SLC25A26: variants seen among roughly 807,000 people sequenced by gnomAD.
The protein encoded by SLC25A26 is solute carrier family 25 member 26.
In SLC25A26, 36 loss-of-function variants were observed where a neutral mutation model predicts 37.8. The observed-to-expected ratio is 0.95, with a 90% CI of 0.73 to 1.26. The LOEUF is 1.26. Among genes scored for constraint, SLC25A26 ranks in the 50% most tolerant of loss-of-function variants. The pLI is 0.00. For synonymous variants in SLC25A26, 129 were observed against 122.5 expected (o/e 1.05, Z -0.35); for missense variants, 390 against 331.1 (o/e 1.18, Z -1.38).
intron 1 of SLC25A26, among the ~76,000 whole-genome samples, chr3:66,195,749 A>C (rs1391823317): frequency 6.6e-6 from 1 of 152,270 alleles, no homozygotes; most frequent in Admixed American, 6.5e-5. Context: ...AAGGAGTCTC[A>C]AAAGAATGGT....
chr3:66,320,590 G>A (rs1008121530), intron 5 of SLC25A26, among the ~76,000 whole-genome samples: 52 of 152,128 alleles, frequency 3.4e-4, no homozygotes, highest in East Asian at 2.3e-3. Context: ...TAATTCTTTT[G>A]GGTGTATACC....
chr3:66,314,479 G>T (rs1411434482), intron 5 of SLC25A26, among the ~76,000 whole-genome samples: 2 of 152,124 alleles, frequency 1.3e-5, no homozygotes, highest in African/African-American at 4.8e-5. Context: ...CTTGATCACG[G>T]TGGATAAGGT....
At chr3:66,154,696 T>C (rs1488156013) in intron 1 of SLC25A26, among the ~76,000 whole-genome samples, 1 of 152,098 alleles carries the variant, frequency 6.6e-6, no homozygotes, top group Non-Finnish European at 1.5e-5. Flanking sequence ...TTGCCCAGGC[T>C]CATCTCAAAC....
intron 1 of SLC25A26, among the ~76,000 whole-genome samples, chr3:66,200,172 A>G (rs2071090990): frequency 6.6e-6 from 1 of 152,184 alleles, no homozygotes; most frequent in South Asian, 2.1e-4. Context: ...AATTATCCCT[A>G]TGGCAGTCGA....
intron 5 of SLC25A26, among the ~76,000 whole-genome samples, chr3:66,264,167 G>T (rs1197234517): frequency 6.6e-6 from 1 of 151,920 alleles, no homozygotes; most frequent in Non-Finnish European, 1.5e-5. Flanking sequence ...AGTTACTCGG[G>T]AGGCTGAGGC....
chr3:66,257,356 A>T (rs1343404408), intron 3 of SLC25A26, among the ~76,000 whole-genome samples: 2 of 152,140 alleles, frequency 1.3e-5, no homozygotes, highest in Non-Finnish European at 2.9e-5. Context: ...TTTAAAATGA[A>T]TTAAAAAAAA....
intron 3 of SLC25A26, among the ~76,000 whole-genome samples, chr3:66,246,396 A>C: frequency 6.6e-6 from 1 of 152,230 alleles, no homozygotes; most frequent in Non-Finnish European, 1.5e-5. Context: ...TATAATAGGT[A>C]GGGCATATAG....
intron 1 of SLC25A26, among the ~76,000 whole-genome samples, chr3:66,174,183 T>C (rs1219424945): frequency 6.6e-6 from 1 of 152,224 alleles, no homozygotes; most frequent in Non-Finnish European, 1.5e-5. Flanking sequence ...ACTTATTTAA[T>C]TCTTCTATGA....
chr3:66,318,837 A>C (rs571974870), intron 5 of SLC25A26, among the ~76,000 whole-genome samples: 130 of 151,826 alleles, frequency 8.6e-4, no homozygotes, highest in Non-Finnish European at 1.6e-3. Context: ...TATTATAGAG[A>C]TGGTATCTCT....
chr3:66,147,623 C>A (rs932521382), intron 1 of SLC25A26, among the ~76,000 whole-genome samples: 3 of 152,110 alleles, frequency 2.0e-5, no homozygotes, highest in Non-Finnish European at 4.4e-5. Flanking sequence ...ATTGCTGGAT[C>A]GAATGATAGA....
intron 1 of SLC25A26, among the ~76,000 whole-genome samples, chr3:66,215,277 C>G (rs1408932770): frequency 6.6e-6 from 1 of 152,158 alleles, no homozygotes; most frequent in African/African-American, 2.4e-5. Flanking sequence ...ATACGGTTCA[C>G]TACAGCCTTG....
intron 6 of SLC25A26, among the ~76,000 whole-genome samples, chr3:66,357,131 T>C (rs950530035): frequency 1.3e-5 from 2 of 152,218 alleles, no homozygotes; most frequent in Non-Finnish European, 2.9e-5. Context: ...TAACCATAGA[T>C]TCATGTGAAA....
intron 9 of SLC25A26, among the ~76,000 whole-genome samples, chr3:66,376,739 C>T (rs1700670685): frequency 1.3e-5 from 2 of 152,162 alleles, no homozygotes; most frequent in Non-Finnish European, 2.9e-5. Context: ...ATCTCTGAGT[C>T]ATGCCTGTAC....
At chr3:66,207,494 C>G (rs2071196702) in intron 1 of SLC25A26, among the ~76,000 whole-genome samples, 1 of 152,142 alleles carries the variant, frequency 6.6e-6, no homozygotes, top group South Asian at 2.1e-4. Flanking sequence ...AAAGGCAAGT[C>G]TTTGTTCAGC....
chr3:66,276,045 T>G (rs1206551101), intron 5 of SLC25A26, among the ~76,000 whole-genome samples: 1 of 152,094 alleles, frequency 6.6e-6, no homozygotes, highest in Admixed American at 6.6e-5. Flanking sequence ...AGATGTGTAA[T>G]TAAAAAATAG....
chr3:66,301,510 T>C (rs1576829970), intron 5 of SLC25A26, among the ~76,000 whole-genome samples: 1 of 152,336 alleles, frequency 6.6e-6, no homozygotes, highest in East Asian at 1.9e-4. Flanking sequence ...TATTTTTATG[T>C]AAGCAGAAGC....
intron 1 of SLC25A26, among the ~76,000 whole-genome samples, chr3:66,176,497 T>C (rs2070588574): frequency 6.6e-6 from 1 of 152,124 alleles, no homozygotes; most frequent in Admixed American, 6.5e-5. Context: ...CAAAAATACA[T>C]TTGAACCTTA....
rs186758834 is a variant in SLC25A26 at position 66,236,900 on chromosome 3, G to T, written c.190+200G>T. Among the ~76,000 whole-genome samples the T allele has an allele frequency of 2.3e-3, 356 of 152,296 alleles. 2 individuals carry two copies. Among genetic ancestry groups the T allele is most frequent in the Non-Finnish European group, 4.1e-3 (278 of 68,030 alleles). ...CGCCCAGGTGGGAATGCAGTGGTGA[G>T]ATAATAGCTAACTGCAACCTTGACC... On this transcript the variant is annotated intron_variant, in intron 2 of 9. Transcript: ENST00000354883.
chr3:66,333,398 G>A (rs1019603671), intron 5 of SLC25A26, among the ~76,000 whole-genome samples: 4 of 151,978 alleles, frequency 2.6e-5, no homozygotes, highest in Non-Finnish European at 4.4e-5. Flanking sequence ...TTGGATCTTC[G>A]TCATGAGCCA....
Sources: gnomAD v4.1 joint callset for allele counts (sites outside exome capture counted in the v4.1 genomes callset) on GRCh38, gnomAD v4.1.1 for gene constraint, MANE v1.5 for transcripts, NCBI Gene and HGNC (gene_info 2026-07-23, HGNC 2026-07-21) for gene names.